Variants in CNN2 observed in about 807,000 individuals in gnomAD.
The protein encoded by CNN2 is calponin 2.
Under a neutral mutation model 31.0 loss-of-function variants are expected in CNN2, and 21 were observed. That is an observed-to-expected ratio of 0.68 (90% CI 0.48 to 0.98). CNN2 has a LOEUF of 0.98. Among genes scored for constraint, CNN2 ranks in the 50% least tolerant of loss-of-function variants. CNN2 has a pLI of 0.00. For synonymous variants in CNN2, 165 were observed against 179.6 expected, an observed-to-expected ratio of 0.92 and a Z score of 0.65; for missense variants, 399 against 427.3, an observed-to-expected ratio of 0.93 and a Z score of 0.58.
At chr19:1,028,806 T>TACCC (rs1387245365) in intron 1 of CNN2, among the ~76,000 whole-genome samples, 1 of 152,014 alleles carries the variant, frequency 6.6e-6, no homozygotes, top group Non-Finnish European at 1.5e-5. Context: ...CAGGGCTGTG[T>TACCC]ACCCAGCAGC....
intron 1 of CNN2, among the ~76,000 whole-genome samples, chr19:1,028,629 G>A (rs944530901): frequency 6.6e-6 from 1 of 152,168 alleles, no homozygotes; most frequent in Non-Finnish European, 1.5e-5. Flanking sequence ...AGATTTAGCC[G>A]GGGAGGCAGC....
Position 1,036,178 on chromosome 19 carries a change from T to A in CNN2, c.439T>A (p.Ser147Thr). The change falls in exon 5 of 7, where the codon TCG (serine) becomes ACG (threonine). Residue 147 changes from serine to threonine, a missense_variant. By Grantham distance (58) the Ser-to-Thr change is moderately conservative. Transcript: ENST00000263097. ...CGGGGTGGACATTGGCGTCAAGTAC[T>A]CGGAGAAGCAGGAGCGGAATTTCGA... ...QSGVDIGVKY[S>T]EKQERNFDDA... 1 of 1,612,518 alleles carries A rather than the reference T, an allele frequency of 6.2e-7. No homozygotes were observed. Among genetic ancestry groups the A allele is most frequent in the Non-Finnish European group, 8.5e-7 (1 of 1,179,272 alleles).
In CNN2 at chr19:1,031,045, C is replaced by T. The variant is rs1322278622; in HGVS notation, c.64-26C>T. The T allele has an allele frequency of 1.9e-6, 3 of 1,604,574 alleles. No individual in the cohort carries two copies. The Admixed American group carries it at 5.0e-5, about 27-fold the overall frequency. On this transcript the variant is annotated intron_variant, in intron 1 of 6. Coordinates refer to ENST00000263097, the MANE Select transcript of CNN2 (RefSeq NM_004368.4). ...TGCTGGGGGTGCCCCCAGCCCAGCT[C>T]AGTCTCGTGCCCTTTGCTCCACCAG...
At chr19:1,029,993 C>T (rs8109756) in intron 1 of CNN2, among the ~76,000 whole-genome samples, 36,272 of 152,058 alleles carry the variant, frequency 0.24, 5,969 homozygotes, top group African/African-American at 0.47. Context: ...GCCACCGCAC[C>T]CAGCCCAAAC....
intron 4 of CNN2, among the ~76,000 whole-genome samples, chr19:1,035,366 G>A (rs145173477): frequency 5.7e-4 from 86 of 152,184 alleles, no homozygotes; most frequent in African/African-American, 1.9e-3. Flanking sequence ...TTCTCCTGGG[G>A]TAACTGCTCC....
chr19:1,035,750 C>T (rs2050088547), intron 4 of CNN2, among the ~76,000 whole-genome samples: 2 of 152,188 alleles, frequency 1.3e-5, no homozygotes, highest in East Asian at 1.9e-4. Context: ...GGTGAAACCC[C>T]GTCTCTACTA....
At chr19:1,032,797 G>A in intron 4 of CNN2, 101 bp downstream of exon 4, 1 of 924,670 alleles carries the variant, frequency 1.1e-6, no homozygotes, top group Non-Finnish European at 1.7e-6. Flanking sequence ...GTTTATTTTT[G>A]AGTCGGAGTC....
At position 1,037,681 on chromosome 19, in the gene CNN2, C is replaced by G. The variant is rs201591760; in HGVS notation, c.711C>G (p.Thr237=). ...RRHIYDTKLG[T]DKCDNSSMSL... ...ACATCTATGATACCAAGCTGGGAAC[C>G]GACAAGTGTGACAACTCCTCCATGT... The change falls in exon 7 of 7, where the codon ACC becomes ACG. Residue 237 remains threonine (T), a synonymous_variant. Coordinates refer to ENST00000263097, the MANE Select transcript of CNN2 (RefSeq NM_004368.4). 4 of 1,611,430 alleles carry G rather than the reference C, an allele frequency of 2.5e-6. No individual in the cohort carries two copies. Among genetic ancestry groups the G allele is most frequent in the Non-Finnish European group, 3.4e-6 (4 of 1,180,030 alleles).
chr19:1,032,611 C>G lies in CNN2; in HGVS notation c.305C>G (p.Pro102Arg). 6.2e-7 allele frequency: 1 copy of G among 1,613,046 alleles called. No homozygotes were observed. The highest frequency in any genetic ancestry group is 8.5e-7 in the Non-Finnish European group (1 of 1,180,028). ...GCCATGGTCAGCTACGGCATGAACC[C>G]TGTGGACCTGTTCGAGGCCAACGAC... ...IKAMVSYGMN[P>R]VDLFEANDLF... is the part of the protein sequence containing the mutation. Residue 102 changes from proline to arginine, a missense_variant, in exon 4 of 7, where the codon CCT (proline) becomes CGT (arginine). Coordinates refer to ENST00000263097, the MANE Select transcript of CNN2 (RefSeq NM_004368.4).
chr19:1,033,081 G>A (rs1019961501), intron 4 of CNN2, among the ~76,000 whole-genome samples: 4 of 151,744 alleles, frequency 2.6e-5, no homozygotes, highest in Non-Finnish European at 4.4e-5. Context: ...GCCCGGCCTC[G>A]TTTACAAATA....
intron 4 of CNN2, among the ~76,000 whole-genome samples, chr19:1,035,306 G>A (rs1473821861): frequency 6.6e-6 from 1 of 152,098 alleles, no homozygotes; most frequent in Non-Finnish European, 1.5e-5. Flanking sequence ...GGAACAGCAA[G>A]GTCTTGACAT....
rs192455340 is a variant in CNN2 at position 1,035,223 on chromosome 19, C to T, written c.391-907C>T. On this transcript the variant is annotated intron_variant, in intron 4 of 6. Transcript: ENST00000263097. ...CACGGTGTCTGGTGTAGACCGGGAG[C>T]GTGGGTGGGACACGGTGTCTGGTGT... Among the ~76,000 whole-genome samples the T allele has an allele frequency of 3.6e-3, 437 of 120,620 alleles. 4 individuals carry two copies. The highest frequency in any genetic ancestry group is 5.0e-3 in the Non-Finnish European group (279 of 55,716). The allele number at this position is 120,620 out of a possible 152,430, so 79.1% of individuals were successfully genotyped here.
At chr19:1,026,960 C>T (rs1243773942) in intron 1 of CNN2, 1 of 493,042 alleles carries the variant, frequency 2.0e-6, no homozygotes, top group African/African-American at 2.1e-5. Flanking sequence ...TGACCCATTC[C>T]CCCCCCCAAC....
At position 1,032,633 on chromosome 19, in the gene CNN2, C is replaced by T. The variant is rs142432171; in HGVS notation, c.327C>T (p.Asn109=). Residue 109 remains asparagine, a synonymous_variant, in exon 4 of 7, where the codon AAC becomes AAT. Coordinates refer to ENST00000263097, the MANE Select transcript of CNN2 (RefSeq NM_004368.4). ...ACCCTGTGGACCTGTTCGAGGCCAA[C>T]GACCTGTTTGAGAGTGGGAACATGA... The part of the protein sequence containing the change: ...GMNPVDLFEA[N]DLFESGNMTQ... 5.6e-6 allele frequency: 9 copies of T among 1,612,706 alleles called. No homozygotes were observed. The highest frequency in any genetic ancestry group is 4.4e-5 in the South Asian group (4 of 91,040).
At position 1,031,745 on chromosome 19, in the gene CNN2, G is replaced by C. The variant is rs551420197; in HGVS notation, c.185+553G>C. Among the ~76,000 whole-genome samples the C allele has an allele frequency of 4.6e-4, 69 of 150,348 alleles. 2 individuals are homozygous for C. The highest frequency in any genetic ancestry group is 1.7e-3 in the African/African-American group (68 of 41,074). On this transcript the variant is annotated intron_variant, in intron 2 of 6. Coordinates refer to ENST00000263097, the MANE Select transcript of CNN2 (RefSeq NM_004368.4). ...TTCCCCTGCCTCAGCCTCCCGAGTA[G>C]CTGGGATTACAGGCGACTGCCACCA...
chr19:1,035,989 C>A (rs1357432513), intron 4 of CNN2, 141 bp from the exon 5 acceptor site: 21 of 1,339,552 alleles, frequency 1.6e-5, no homozygotes, highest in Middle Eastern at 3.9e-4. Context: ...TCCCAGACAC[C>A]CGAGAGATGT....
chr19:1,032,420 G>A lies in CNN2; in HGVS notation c.214G>A (p.Val72Ile), dbSNP rs112302763. Reference sequence around the variant, plus strand: ...CATGAACAAGCTACAGCCGGGCTCCGTCCCCAAGATCAACCGCTCCATGCA... The same window carrying A: ...CATGAACAAGCTACAGCCGGGCTCCATCCCCAAGATCAACCGCTCCATGCA... ...TLMNKLQPGS[V>I]PKINRSMQNW... The change falls in exon 3 of 7, where the codon GTC (valine) becomes ATC (isoleucine). Residue 72 changes from valine to isoleucine, a missense_variant. Transcript: ENST00000263097. 3.2e-5 allele frequency: 51 copies of A among 1,613,598 alleles called. 1 individual carries two copies. The African/African-American group carries it at 4.0e-4, about 13-fold the overall frequency.
Position 1,028,727 on chromosome 19 carries a change from A to G in CNN2, c.63+2003A>G, listed in dbSNP as rs1168420222. Among the ~76,000 whole-genome samples, 6 of 143,018 alleles carry G rather than the reference A, an allele frequency of 4.2e-5. No individual in the cohort carries two copies. The South Asian group carries it at 1.1e-3, about 27-fold the overall frequency. 93.8% of individuals were successfully genotyped at this position (143,018 alleles called of 152,430 possible). On this transcript the variant is annotated intron_variant, in intron 1 of 6. Coordinates refer to ENST00000263097, the MANE Select transcript of CNN2 (RefSeq NM_004368.4). ...GGGGGCGGGGGTGGGGGAGGACGGC[A>G]GCGGCTGGGGGTGGGGCCAGGGGAC...
Position 1,038,242 on chromosome 19 carries a change from C to G in CNN2, c.*342C>G, listed in dbSNP as rs1036421188. 2 of 268,466 alleles carry G rather than the reference C, an allele frequency of 7.4e-6. No homozygotes were observed. The highest frequency in any genetic ancestry group is 1.0e-4 in the Admixed American group (2 of 19,612). The allele number at this position is 268,466 out of a possible 1,614,324, so 16.6% of individuals were successfully genotyped here. A position where few individuals can be genotyped will look rare whatever the true frequency, so the allele number is the denominator to read the frequency against. On this transcript the variant is annotated 3_prime_UTR_variant, in exon 7 of 7. Coordinates refer to ENST00000263097, the MANE Select transcript of CNN2 (RefSeq NM_004368.4). ...TTTCTGCTTGCCTCGCCTCTTCCCC[C>G]TTTTGTCAGCTGAGCAGTTTGTGGT...
Sources: allele counts gnomAD v4.1 joint callset (sites outside exome capture counted in the v4.1 genomes callset), GRCh38; gene constraint gnomAD v4.1.1; transcripts MANE v1.5; gene names NCBI Gene and HGNC (gene_info 2026-07-23, HGNC 2026-07-21).